The following SLCO4A1 variants were observed in gnomAD, a reference collection of about 807,000 sequenced individuals.
SLCO4A1 encodes the protein solute carrier organic anion transporter family member 4A1.
SLCO4A1 carries 51 observed loss-of-function variants against 64.6 expected under a neutral mutation model. The observed-to-expected ratio is 0.79, with a 90% CI of 0.63 to 1.00. The LOEUF (loss-of-function observed/expected upper bound fraction) is 1.00. Among genes scored for constraint, SLCO4A1 ranks in the 50% least tolerant of loss-of-function variants. The pLI, the probability that SLCO4A1 is intolerant of heterozygous loss-of-function variation, is 0.00. For synonymous variants in SLCO4A1, 471 were observed against 444.9 expected, an observed-to-expected ratio of 1.06 and a Z score of -0.74; for missense variants, 919 against 980.5, an observed-to-expected ratio of 0.94 and a Z score of 0.84.
downstream of SLCO4A1, among the ~76,000 whole-genome samples, chr20:62,687,351 C>G (rs916732122): frequency 6.6e-6 from 1 of 152,262 alleles, no homozygotes; most frequent in Middle Eastern, 3.2e-3. Context: ...ACACTGAAGG[C>G]CAAGGGCATG....
Position 62,665,216 on chromosome 20 carries a change from C to T in SLCO4A1, c.1276+128C>T, listed in dbSNP as rs904444769. The stretch of plus-strand genomic sequence containing the variant: ...GTGAGTGCCCTCCCACCCCCGCTGC[C>T]AGAGCAGGTGTGGAGAGCGCCACGG... On this transcript the variant is annotated intron_variant, in intron 6 of 11. Transcript: ENST00000217159. The T allele has an allele frequency of 5.5e-6, 6 of 1,097,192 alleles. No individual in the cohort carries two copies. In the African/African-American group the frequency reaches 6.3e-5, roughly 12 times the overall value. 68.0% of individuals were successfully genotyped at this position (1,097,192 alleles called of 1,614,324 possible). A position where few individuals can be genotyped will look rare whatever the true frequency, so the allele number is the denominator to read the frequency against.
In SLCO4A1 at chr20:62,685,702, G is replaced by A. The variant is rs1988037800; in HGVS notation, n.473G>A. 1 of 152,304 alleles carries A rather than the reference G, an allele frequency of 6.6e-6. No individual in the cohort carries two copies. Among genetic ancestry groups the A allele is most frequent in the South Asian group, 2.1e-4 (1 of 4,838 alleles). 9.4% of individuals were successfully genotyped at this position (152,304 alleles called of 1,614,324 possible). On this transcript the variant is annotated non_coding_transcript_exon_variant, in exon 3 of 3. Transcript: ENST00000466818. The surrounding 1 kb of genome is among the most constrained non-coding windows in gnomAD (Gnocchi z 4.6). ...GTGGATTCTCTACCTGGGAAACCCA[G>A]CATGGCACACTCATATAGAATTAAG...
chr20:62,666,603 C>A lies in SLCO4A1; in HGVS notation c.1472+28C>A, dbSNP rs45557047. The A allele has an allele frequency of 3.7e-6, 6 of 1,600,124 alleles. No homozygotes were observed. The Admixed American group carries it at 6.7e-5, about 18-fold the overall frequency. The stretch of plus-strand genomic sequence containing the variant: ...GAGGGCCAGATGGCACCTGGGTACG[C>A]GTCGGGGCCCCAAGCACCCGCGGTC... On this transcript the variant is annotated intron_variant, in intron 7 of 11. Coordinates refer to ENST00000217159, the MANE Select transcript of SLCO4A1 (RefSeq NM_016354.4).
intron 5 of SLCO4A1, among the ~76,000 whole-genome samples, chr20:62,662,605 C>A (rs1458719807): frequency 6.6e-6 from 1 of 152,204 alleles, no homozygotes; most frequent in African/African-American, 2.4e-5. Context: ...TTCAGCCGAG[C>A]AATCAGTGAT....
At chr20:62,668,664 AG>A (rs1986816614) in intron 10 of SLCO4A1, 123 bp downstream of exon 10, 1 of 990,696 alleles carries the variant, frequency 1.0e-6, no homozygotes, top group Non-Finnish European at 1.6e-6. Flanking sequence ...CCGCCTGGGA[AG>A]GGGTCCATTC....
At position 62,645,128 on chromosome 20, in the gene SLCO4A1, C is replaced by T. The variant is rs1472990180; in HGVS notation, c.-97+2575C>T. ...ACTGTCTGGCCCCCCAGTGAGCTTG[C>T]TGAGTGTCAGCTGACTTCAGGCAGG... On this transcript the variant is annotated intron_variant, in intron 1 of 11. Coordinates refer to ENST00000217159, the MANE Select transcript of SLCO4A1 (RefSeq NM_016354.4). This position sits in a 1 kb window ranked among gnomAD's most constrained non-coding sequence, Gnocchi z 4.2. 6.6e-6 allele frequency among the ~76,000 whole-genome samples: 1 copy of T among 152,254 alleles called. No homozygotes were observed. The highest frequency in any genetic ancestry group is 6.5e-5 in the Admixed American group (1 of 15,292).
Position 62,656,922 on chromosome 20 carries a change from C to CCTCA in SLCO4A1, c.470_473dup (p.Phe159HisfsTer41). The CCTCA allele has an allele frequency of 6.4e-7, 1 of 1,566,760 alleles. No homozygotes were observed. Among genetic ancestry groups the CCTCA allele is most frequent in the South Asian group, 1.2e-5 (1 of 84,590 alleles). ...CCTACGACATTGCCGCCTGCCTCTG[C>CCTCA]CTCACCTTCGTCAGCTACTTCGGGG... On this transcript the variant is annotated frameshift_variant, in exon 2 of 12. Transcript: ENST00000217159. LOFTEE classifies it high-confidence loss of function.
rs781347919 is a variant in SLCO4A1, at chr20:62,668,985, G to A, written c.1932G>A (p.Leu644=). 90 of 1,610,388 alleles carry A rather than the reference G, an allele frequency of 5.6e-5. No homozygotes were observed. Among genetic ancestry groups the A allele is most frequent in the Non-Finnish European group, 7.4e-5 (87 of 1,179,978 alleles). ...GGGTGATCGACAAGGCCTGTCTGCT[G>A]TGGCAGGACCAGTGTGGCCAGCAGG... ...FGWVIDKACL[L]WQDQCGQQGS... The change falls in exon 11 of 12, where the codon CTG becomes CTA. Residue 644 remains leucine (L), a synonymous_variant. Coordinates refer to ENST00000217159, the MANE Select transcript of SLCO4A1 (RefSeq NM_016354.4).
chr20:62,686,247 A>G (rs1015632787), downstream of SLCO4A1, among the ~76,000 whole-genome samples: 5 of 152,306 alleles, frequency 3.3e-5, no homozygotes, highest in South Asian at 8.3e-4. Context: ...ATAGCTATTC[A>G]TAAGGACATT....
chr20:62,659,906 C>T (rs143518379), intron 3 of SLCO4A1, among the ~76,000 whole-genome samples: 78 of 152,380 alleles, frequency 5.1e-4, no homozygotes, highest in Non-Finnish European at 7.3e-4. Context: ...ACTCCACGGC[C>T]GCCTCAGCCC....
chr20:62,668,825 G>A, intron 10 of SLCO4A1, 105 bp from the exon 11 acceptor site: 1 of 1,222,002 alleles, frequency 8.2e-7, no homozygotes, highest in Non-Finnish European at 1.1e-6. Context: ...CCAACGGCCA[G>A]TATCACCTTC....
chr20:62,660,933 C>A (rs1343383981), intron 4 of SLCO4A1, 131 bp from the exon 5 acceptor site: 1 of 662,670 alleles, frequency 1.5e-6, no homozygotes. Context: ...GCTGCGAGGG[C>A]TGCAGGGATG....
chr20:62,660,538 G>A lies in SLCO4A1; in HGVS notation c.1009+5G>A, dbSNP rs1438100179. On this transcript the variant is annotated splice_donor_5th_base_variant and intron_variant, in intron 4 of 11. Coordinates refer to ENST00000217159, the MANE Select transcript of SLCO4A1 (RefSeq NM_016354.4). Reference sequence around the variant, plus strand: ...GTTACCCTCGGCAGCTGCCAGGTGGGTTTCCCTTCCCCAGCCCAGCCTTCA... The same window carrying A: ...GTTACCCTCGGCAGCTGCCAGGTGGATTTCCCTTCCCCAGCCCAGCCTTCA... The A allele has an allele frequency of 1.2e-6, 2 of 1,604,376 alleles. No individual in the cohort carries two copies. The highest frequency in any genetic ancestry group is 1.3e-5 in the African/African-American group (1 of 75,038).
intron 7 of SLCO4A1, chr20:62,667,358 G>A: frequency 4.7e-6 from 1 of 214,210 alleles, no homozygotes; most frequent in Admixed American, 5.1e-5. Flanking sequence ...GCCTGTGGCT[G>A]GAGAACCGAG....
intron 2 of SLCO4A1, among the ~76,000 whole-genome samples, chr20:62,680,704 C>T (rs574125024): frequency 1.6e-4 from 24 of 152,092 alleles, no homozygotes; most frequent in African/African-American, 5.5e-4. Flanking sequence ...GTTAAGCCTG[C>T]CCCCCACCCC....
chr20:62,671,923 G>T lies in SLCO4A1; in HGVS notation c.*30G>T. On this transcript the variant is annotated 3_prime_UTR_variant, in exon 12 of 12. Transcript: ENST00000217159. ...CGCCCGCGCCCACCCGGCCACGGCG[G>T]GCACTCAGCATTTCCTGATGACAGA... The T allele has an allele frequency of 6.2e-7, 1 of 1,605,922 alleles. No individual in the cohort carries two copies. The highest frequency in any genetic ancestry group is 8.5e-7 in the Non-Finnish European group (1 of 1,179,970).
chr20:62,686,480 A>G (rs936363234), downstream of SLCO4A1, among the ~76,000 whole-genome samples: 8 of 152,154 alleles, frequency 5.3e-5, no homozygotes, highest in African/African-American at 1.7e-4. Context: ...TGGCGCCAGG[A>G]GCGGGGAAGA....
In SLCO4A1 at chr20:62,658,659, C is replaced by G. The variant is rs764990158; in HGVS notation, c.797-18C>G. On this transcript the variant is annotated intron_variant, in intron 2 of 11. Transcript: ENST00000217159. ...TGGGTGGTGCACAGCGGCCCTGACG[C>G]CTCTGCCTCTCTCGCAGCCATCTTC... 3 of 1,601,888 alleles carry G rather than the reference C, an allele frequency of 1.9e-6. No homozygotes were observed. Among genetic ancestry groups the G allele is most frequent in the Non-Finnish European group, 2.6e-6 (3 of 1,174,270 alleles).
chr20:62,670,690 A>G (rs991514068), intron 11 of SLCO4A1, among the ~76,000 whole-genome samples: 1 of 152,206 alleles, frequency 6.6e-6, no homozygotes, highest in African/African-American at 2.4e-5. Context: ...GCAGGCTGAG[A>G]GCCCTCCACA....
Sources: gnomAD v4.1 joint callset for allele counts (sites outside exome capture counted in the v4.1 genomes callset) on GRCh38, gnomAD v4.1.1 for gene constraint, Gnocchi (gnomAD v3.1) non-coding constraint, MANE v1.5 for transcripts, NCBI Gene and HGNC (gene_info 2026-07-23, HGNC 2026-07-21) for gene names.